Variants in PABPC4L observed in about 807,000 individuals in gnomAD.
PABPC4L encodes the protein poly(A) binding protein cytoplasmic 4 like.
For missense variants in PABPC4L, 452 were observed against 451.4 expected (o/e 1.00, Z -0.01); for synonymous variants, 169 against 164.1 (o/e 1.03, Z -0.23).
chr4:134,164,262 C>CAAAAA, the PABPC4L span, among the ~76,000 whole-genome samples: 58 of 34,172 alleles, frequency 1.7e-3, 1 homozygote, highest in Non-Finnish European at 1.8e-3. Context: ...GACTCCGTCT[C>CAAAAA]AAAAAAAAAA....
At chr4:134,077,849 C>A in the PABPC4L span, among the ~76,000 whole-genome samples, 1 of 152,082 alleles carries the variant, frequency 6.6e-6, no homozygotes, top group Non-Finnish European at 1.5e-5. Flanking sequence ...TTATGTGACA[C>A]ATGGAATCTG....
the PABPC4L span, among the ~76,000 whole-genome samples, chr4:133,970,551 C>T: frequency 6.6e-6 from 1 of 152,076 alleles, no homozygotes; most frequent in Non-Finnish European, 1.5e-5. Flanking sequence ...TGTTATTTTT[C>T]CCTCTTTCTT....
the PABPC4L span, among the ~76,000 whole-genome samples, chr4:134,057,565 G>C: frequency 6.6e-6 from 1 of 151,998 alleles, no homozygotes; most frequent in African/African-American, 2.4e-5. Context: ...CCCTATTACT[G>C]CTCATTGAAG....
the PABPC4L span, among the ~76,000 whole-genome samples, chr4:134,175,369 T>C: frequency 1.3e-5 from 2 of 152,208 alleles, no homozygotes; most frequent in East Asian, 3.9e-4. Flanking sequence ...TGTTTTATTA[T>C]GATGCCACCC....
chr4:134,199,957 G>A lies in PABPC4L; in HGVS notation c.1063C>T (p.Arg355Cys), dbSNP rs1052386205. 1.2e-5 allele frequency: 18 copies of A among 1,551,434 alleles called. No individual in the cohort carries two copies. The highest frequency in any genetic ancestry group is 6.8e-5 in the African/African-American group (5 of 73,000). The change falls in exon 2 of 2, where the codon CGC becomes TGC. Residue 355 changes from arginine to cysteine, a missense_variant. Coordinates refer to ENST00000421491, the MANE Select transcript of PABPC4L (RefSeq NM_001114734.2). ...CTAAGAGGTTTGGAGCCCAAGATGC[G>A]GCCATTCATCTCAGTCATTGCTTTA... ...ATKAMTEMNG[R>C]ILGSKPLSIA...
chr4:134,113,732 A>G, the PABPC4L span, among the ~76,000 whole-genome samples: 1 of 151,998 alleles, frequency 6.6e-6, no homozygotes, highest in Admixed American at 6.6e-5. Flanking sequence ...TACTGAGCTG[A>G]TGCTTGAACT....
chr4:134,138,847 T>C, the PABPC4L span, among the ~76,000 whole-genome samples: 1 of 151,894 alleles, frequency 6.6e-6, no homozygotes, highest in African/African-American at 2.4e-5. Context: ...TGAATCAGCT[T>C]TGTGCTCATA....
chr4:134,200,109 ATGG>A lies in PABPC4L; in HGVS notation c.908_910del (p.Thr303del). ...TTCGTTTCGTAGTTTTTCATCATCG[ATGG>A]TGTCATCAAGGTTCTTAATATAGAG... On this transcript the variant is annotated inframe_deletion, in exon 2 of 2. Coordinates refer to ENST00000421491, the MANE Select transcript of PABPC4L (RefSeq NM_001114734.2). 6.4e-7 allele frequency: 1 copy of A among 1,551,650 alleles called. No individual in the cohort carries two copies. Among genetic ancestry groups the A allele is most frequent in the Non-Finnish European group, 8.7e-7 (1 of 1,146,960 alleles).
At chr4:134,102,092 C>A in the PABPC4L span, among the ~76,000 whole-genome samples, 1 of 151,268 alleles carries the variant, frequency 6.6e-6, no homozygotes, top group Non-Finnish European at 1.5e-5. Context: ...CTAAGTAATG[C>A]CATTCCTCTC....
the PABPC4L span, among the ~76,000 whole-genome samples, chr4:134,044,262 A>T: frequency 6.7e-6 from 1 of 150,110 alleles, no homozygotes; most frequent in African/African-American, 2.5e-5. Flanking sequence ...TTTTACTTTT[A>T]TTATTATTAT....
the PABPC4L span, among the ~76,000 whole-genome samples, chr4:134,023,980 T>C: frequency 1.3e-5 from 2 of 152,164 alleles, no homozygotes; most frequent in African/African-American, 2.4e-5. Flanking sequence ...TTCAACACTA[T>C]TAATTATGAT....
At chr4:134,175,780 A>G in the PABPC4L span, among the ~76,000 whole-genome samples, 4 of 152,166 alleles carry the variant, frequency 2.6e-5, no homozygotes, top group African/African-American at 9.7e-5. Flanking sequence ...AGCAATTAAT[A>G]AAATGGATTT....
the PABPC4L span, among the ~76,000 whole-genome samples, chr4:134,087,772 C>G: frequency 2.0e-5 from 3 of 152,146 alleles, no homozygotes; most frequent in African/African-American, 7.2e-5. Context: ...TCAGCACTTT[C>G]TCATTCCTAT....
At chr4:133,958,583 T>C in the PABPC4L span, among the ~76,000 whole-genome samples, 1 of 152,190 alleles carries the variant, frequency 6.6e-6, no homozygotes, top group Non-Finnish European at 1.5e-5. Flanking sequence ...TACCCAAGAC[T>C]GGGTAATTTG....
the PABPC4L span, among the ~76,000 whole-genome samples, chr4:134,013,236 C>T: frequency 2.2e-4 from 34 of 152,014 alleles, no homozygotes; most frequent in African/African-American, 3.1e-4. Flanking sequence ...GCAGGAACCC[C>T]GACCTCTTAT....
the PABPC4L span, among the ~76,000 whole-genome samples, chr4:134,107,599 T>C: frequency 6.6e-6 from 1 of 151,624 alleles, no homozygotes; most frequent in African/African-American, 2.4e-5. Flanking sequence ...TTTTATACAT[T>C]GTTTTGTTGC....
At chr4:134,103,106 T>G in the PABPC4L span, among the ~76,000 whole-genome samples, 1 of 151,660 alleles carries the variant, frequency 6.6e-6, no homozygotes, top group Admixed American at 6.6e-5. Flanking sequence ...CTTAATTTCT[T>G]AAAGTTCCAC....
the PABPC4L span, among the ~76,000 whole-genome samples, chr4:133,970,436 G>T: frequency 2.0e-5 from 3 of 152,110 alleles, no homozygotes; most frequent in Non-Finnish European, 4.4e-5. Flanking sequence ...TGGACCCACA[G>T]CTAAAGCATC....
chr4:134,142,304 G>C, the PABPC4L span, among the ~76,000 whole-genome samples: 1 of 151,630 alleles, frequency 6.6e-6, no homozygotes, highest in African/African-American at 2.4e-5. Context: ...AAAGATGACT[G>C]TATCAGAATA....
Sources: allele counts gnomAD v4.1 joint callset (sites outside exome capture counted in the v4.1 genomes callset), GRCh38; gene constraint gnomAD v4.1.1; transcripts MANE v1.5; gene names NCBI Gene and HGNC (gene_info 2026-07-23, HGNC 2026-07-21).